CCDC9: variants seen among roughly 807,000 people sequenced by gnomAD.
CCDC9 encodes coiled-coil domain-containing protein 9.
A neutral mutation model predicts 65.6 loss-of-function variants in CCDC9; 52 were observed. That is an observed-to-expected ratio of 0.79 (90% CI 0.63 to 1.00). The LOEUF (loss-of-function observed/expected upper bound fraction) is 1.00. CCDC9 is among the 50% of genes least tolerant of loss of function. The pLI is 0.00. For synonymous variants in CCDC9, 332 were observed against 280.3 expected (o/e 1.18, Z -1.84); for missense variants, 834 against 757.2 (o/e 1.10, Z -1.19).
intron 5 of CCDC9, among the ~76,000 whole-genome samples, chr19:47,263,986 C>G (rs2059062949): frequency 6.6e-6 from 1 of 152,104 alleles, no homozygotes; most frequent in African/African-American, 2.4e-5. Flanking sequence ...TCAAGTGATT[C>G]TCTTGCCTCA....
chr19:47,275,281 ACCG>A, downstream of CCDC9: 1 of 1,545,446 alleles, frequency 6.5e-7, no homozygotes, highest in Non-Finnish European at 8.7e-7. Context: ...AGCGACCCTG[ACCG>A]CCGTCCGAGC....
At chr19:47,270,114 A>G (rs2059105683) in intron 8 of CCDC9, among the ~76,000 whole-genome samples, 2 of 151,612 alleles carry the variant, frequency 1.3e-5, no homozygotes, top group African/African-American at 4.8e-5. Context: ...GATTACAGGC[A>G]CGTGCCACCA....
At chr19:47,256,807 C>T (rs1371687680) in intron 1 of CCDC9, among the ~76,000 whole-genome samples, 198 bp downstream of exon 1, 2 of 147,606 alleles carry the variant, frequency 1.4e-5, no homozygotes, top group East Asian at 2.1e-4. Context: ...CGGGGCGTGG[C>T]CAGAGCCTGG....
At chr19:47,275,254 G>C (rs1188793781), downstream of CCDC9, 2 of 1,534,750 alleles carry the variant, frequency 1.3e-6, no homozygotes, top group East Asian at 5.1e-5. Context: ...CTGCCGCTGA[G>C]CCGCCGCCGC....
rs752635803 is a variant in CCDC9 at position 47,260,837 on chromosome 19, A to G, written c.460A>G (p.Lys154Glu). 7 of 1,611,184 alleles carry G rather than the reference A, an allele frequency of 4.3e-6. No individual in the cohort carries two copies. In the South Asian group the frequency reaches 6.6e-5, roughly 15 times the overall value. Residue 154 changes from lysine to glutamate, a missense_variant and splice_region_variant, in exon 5 of 12, where the codon AAG becomes GAG. Lys to Glu is a moderately conservative substitution (Grantham distance 56). Transcript: ENST00000221922. ...CACCTCAATCTCTGACCGTAAATCCAAGGTAGGAGCTAGGCAGCGCCTGGA... is the reference window on the plus strand; with the variant it reads ...CACCTCAATCTCTGACCGTAAATCCGAGGTAGGAGCTAGGCAGCGCCTGGA... ...GDTSISDRKS[K>E]EWEERRRQNI...
intron 10 of CCDC9, 123 bp downstream of exon 10, chr19:47,270,811 A>G (rs1020234446): frequency 3.4e-6 from 4 of 1,173,762 alleles, no homozygotes; most frequent in Admixed American, 2.8e-5. Context: ...GGCCCTGTCT[A>G]TCTCGCAGGT....
At chr19:47,256,972 C>G (rs918434) in intron 1 of CCDC9, among the ~76,000 whole-genome samples, 65,524 of 148,632 alleles carry the variant, frequency 0.44, 14,782 homozygotes, top group East Asian at 0.68. Flanking sequence ...GGTCCAGATT[C>G]TTGGCCGGGA....
At chr19:47,263,692 A>C (rs1172180098) in intron 5 of CCDC9, among the ~76,000 whole-genome samples, 2 of 151,694 alleles carry the variant, frequency 1.3e-5, no homozygotes, top group Non-Finnish European at 2.9e-5. Flanking sequence ...CAGCCTCCCA[A>C]GTAGCTGGGA....
At chr19:47,263,742 T>A (rs1037637271) in intron 5 of CCDC9, among the ~76,000 whole-genome samples, 4 of 151,582 alleles carry the variant, frequency 2.6e-5, no homozygotes, top group African/African-American at 9.7e-5. Context: ...ACTTTTGTAT[T>A]TTTAGTAGAG....
chr19:47,260,775 G>A lies in CCDC9; in HGVS notation c.398G>A (p.Arg133Gln). 12 of 1,612,266 alleles carry A rather than the reference G, an allele frequency of 7.4e-6. No homozygotes were observed. The highest frequency in any genetic ancestry group is 1.1e-5 in the South Asian group (1 of 90,976). Residue 133 changes from arginine (R) to glutamine (Q), a missense_variant, in exon 5 of 12, where the codon CGG becomes CAG. Transcript: ENST00000221922. ...GCTGGGGGCCGTGGCCGGAGGGGCC[G>A]GGGCCGAGGTTCACCTCACCTCTCT... is the stretch of plus-strand genomic sequence containing the variant. ...GGAGGRGRRG[R>Q]GRGSPHLSGA...
intron 8 of CCDC9, among the ~76,000 whole-genome samples, chr19:47,267,022 T>G (rs1209417997): frequency 1.3e-5 from 2 of 151,140 alleles, no homozygotes; most frequent in African/African-American, 4.9e-5. Context: ...TGGAGTGCAG[T>G]GGCGTGATCT....
At position 47,271,397 on chromosome 19, in the gene CCDC9, G is replaced by C. The variant is rs150111993; in HGVS notation, c.1315G>C (p.Glu439Gln). Residue 439 changes from glutamate (E) to glutamine (Q), a missense_variant, in exon 12 of 12, where the codon GAA (glutamate) becomes CAA (glutamine). Glu to Gln is a conservative substitution (Grantham distance 29). Coordinates refer to ENST00000221922, the MANE Select transcript of CCDC9 (RefSeq NM_015603.3). The stretch of plus-strand genomic sequence containing the variant: ...TGAGGAAGAGGAGGAGATCGAGGTG[G>C]AAGAAGGTGATGAGGAGGAACCAGC... ...EDEEEEEIEV[E>Q]EGDEEEPAQD... 23 of 1,611,818 alleles carry C rather than the reference G, an allele frequency of 1.4e-5. No homozygotes were observed. The highest frequency in any genetic ancestry group is 1.8e-5 in the Non-Finnish European group (21 of 1,179,034).
In CCDC9 at chr19:47,264,663, G is replaced by C. The variant is rs542800293; in HGVS notation, c.523G>C (p.Ala175Pro). ...EKMNEEMEKIAEYERNQREGV... is the reference protein window; with the variant it reads ...EKMNEEMEKIPEYERNQREGV... ...GATGAATGAGGAGATGGAGAAGATC[G>C]CCGAGTATGAGCGCAACCAGCGGGT... The change falls in exon 6 of 12, where the codon GCC becomes CCC. Residue 175 changes from alanine to proline, a missense_variant. Transcript: ENST00000221922. 1 of 1,605,040 alleles carries C rather than the reference G, an allele frequency of 6.2e-7. No individual in the cohort carries two copies. The highest frequency in any genetic ancestry group is 8.5e-7 in the Non-Finnish European group (1 of 1,175,962).
At position 47,271,244 on chromosome 19, in the gene CCDC9, C is replaced by T. The variant is rs369168691; in HGVS notation, c.1192-30C>T. 65 of 1,609,718 alleles carry T rather than the reference C, an allele frequency of 4.0e-5. 1 individual carries two copies. The African/African-American group carries it at 7.3e-4, about 18-fold the overall frequency. On this transcript the variant is annotated intron_variant, in intron 11 of 11. Coordinates refer to ENST00000221922, the MANE Select transcript of CCDC9 (RefSeq NM_015603.3). ...CTGGGGTGGGGGCTCAGGACCTGTG[C>T]CTTGCCCTGACTTGCCTGTGTCCCC...
At position 47,271,732 on chromosome 19, in the gene CCDC9, T is replaced by TGTGTGCGCGC. The variant is rs2059123882; in HGVS notation, c.*55_*56insTGTGCGCGCG. On this transcript the variant is annotated 3_prime_UTR_variant, in exon 12 of 12. Transcript: ENST00000221922. ...GTGTGTGTGTGTGTGTGTGTGTGTG[T>TGTGTGCGCGC]GCGCGCGCGCGCGCGCGCGCGCGCG... is the stretch of plus-strand genomic sequence containing the variant. 1 of 528,234 alleles carries TGTGTGCGCGC rather than the reference T, an allele frequency of 1.9e-6. No individual in the cohort carries two copies. The highest frequency in any genetic ancestry group is 2.4e-6 in the Non-Finnish European group (1 of 413,472). The allele number at this position is 528,234 out of a possible 1,614,324, so 32.7% of individuals were successfully genotyped here.
intron 4 of CCDC9, 27 bp from the exon 5 acceptor site, chr19:47,260,559 CTG>C (rs748730038): frequency 3.9e-6 from 6 of 1,543,596 alleles, no homozygotes; most frequent in South Asian, 3.7e-5. Context: ...GCCCCAGTGA[CTG>C]TATTTTCCCC....
Position 47,258,572 on chromosome 19 carries a change from A to G in CCDC9, c.17A>G (p.Asp6Gly), listed in dbSNP as rs368291098. The change falls in exon 3 of 12, where the codon GAT (aspartate) becomes GGT (glycine). Residue 6 changes from aspartate (D) to glycine (G), a missense_variant. Physicochemically the swap from Asp to Gly is moderately conservative, Grantham distance 94. Coordinates refer to ENST00000221922, the MANE Select transcript of CCDC9 (RefSeq NM_015603.3). MAATLDLKSKEEKDAE... is the reference protein window; with the variant it reads MAATLGLKSKEEKDAE... The stretch of plus-strand genomic sequence containing the variant: ...TCCCGGTCTCAGGCAGCCACACTCG[A>G]TTTGAAATCAAAGGAGGAGAAGGAT... The G allele has an allele frequency of 6.2e-7, 1 of 1,613,888 alleles. No individual in the cohort carries two copies. Among genetic ancestry groups the G allele is most frequent in the Non-Finnish European group, 8.5e-7 (1 of 1,179,964 alleles).
At position 47,266,775 on chromosome 19, in the gene CCDC9, C is replaced by T. The variant is rs60383222; in HGVS notation, c.885C>T (p.Ala295=). 247,294 of 1,607,118 alleles carry T rather than the reference C, an allele frequency of 0.15. 20,211 individuals are homozygous for T. Among genetic ancestry groups the T allele is most frequent in the South Asian group, 0.25 (22,870 of 89,822 alleles). The change falls in exon 8 of 12, where the codon GCC becomes GCT. Residue 295 remains alanine (A), a synonymous_variant. Coordinates refer to ENST00000221922, the MANE Select transcript of CCDC9 (RefSeq NM_015603.3). ...PTGQWRREWD[A]EKTDGMFKDG... is the part of the protein sequence containing the mutation. Reference sequence around the variant, plus strand: ...GCCAGTGGAGGCGCGAGTGGGATGCCGAGAAGACCGATGGGATGTGAGTCT... The same window carrying T: ...GCCAGTGGAGGCGCGAGTGGGATGCTGAGAAGACCGATGGGATGTGAGTCT...
At chr19:47,258,694 C>T in intron 3 of CCDC9, 31 bp downstream of exon 3, 1 of 1,491,828 alleles carries the variant, frequency 6.7e-7, no homozygotes, top group Non-Finnish European at 9.4e-7. Flanking sequence ...GAGACCCCAT[C>T]CCCTCTCTTC....
Sources: gnomAD v4.1 joint callset for allele counts (sites outside exome capture counted in the v4.1 genomes callset) on GRCh38, gnomAD v4.1.1 for gene constraint, MANE v1.5 for transcripts, NCBI Gene and HGNC (gene_info 2026-07-23, HGNC 2026-07-21) for gene names.